The following ZSCAN2 variants were observed in gnomAD, a reference collection of about 807,000 sequenced individuals.
ZSCAN2 encodes the protein zinc finger and SCAN domain-containing protein 2.
In ZSCAN2, 26 loss-of-function variants were observed where a neutral mutation model predicts 47.8. That is an observed-to-expected ratio of 0.54 (90% CI 0.40 to 0.75). The LOEUF (loss-of-function observed/expected upper bound fraction) is 0.75, where lower values mean the gene tolerates loss of function less well. ZSCAN2 is among the 30% of genes least tolerant of loss of function. The pLI, the probability that ZSCAN2 is intolerant of heterozygous loss-of-function variation, is 0.00. For missense variants in ZSCAN2, 732 were observed against 785.4 expected, an observed-to-expected ratio of 0.93 and a Z score of 0.81; for synonymous variants, 305 against 288.7, an observed-to-expected ratio of 1.06 and a Z score of -0.57.
intron 2 of ZSCAN2, among the ~76,000 whole-genome samples, chr15:84,619,847 T>C (rs1190629657): frequency 1.3e-5 from 2 of 152,028 alleles, no homozygotes; most frequent in African/African-American, 2.4e-5. Context: ...ACCCAAATCT[T>C]TAAGGCTTTG....
At chr15:84,604,381 G>A (rs751527661) in intron 2 of ZSCAN2, 48 bp downstream of exon 2, 1 of 1,546,476 alleles carries the variant, frequency 6.5e-7, no homozygotes, top group Non-Finnish European at 8.7e-7. Flanking sequence ...CCCTTCCAAG[G>A]TAGAGGAGTG....
chr15:84,620,823 A>T lies in ZSCAN2; in HGVS notation c.628A>T (p.Ile210Leu). The T allele has an allele frequency of 6.2e-7, 1 of 1,613,950 alleles. No homozygotes were observed. Among genetic ancestry groups the T allele is most frequent in the Non-Finnish European group, 8.5e-7 (1 of 1,179,756 alleles). ...VSQDREVGQL[I>L]GLQGTYLGEK... ...TCAGGACAGGGAAGTTGGCCAGCTC[A>T]TAGGCCTGCAGGGCACCTACCTAGG... The change falls in exon 3 of 3, where the codon ATA (isoleucine) becomes TTA (leucine). Residue 210 changes from isoleucine to leucine, a missense_variant. Coordinates refer to ENST00000546148, the MANE Select transcript of ZSCAN2 (RefSeq NM_181877.4).
chr15:84,611,803 C>G (rs1252484516), intron 2 of ZSCAN2: 1 of 152,126 alleles, frequency 6.6e-6, no homozygotes, highest in African/African-American at 2.4e-5. Flanking sequence ...GCCATCCAGC[C>G]TCTTACTCAT....
At chr15:84,611,267 C>G (rs143645704) in intron 2 of ZSCAN2, among the ~76,000 whole-genome samples, 87 of 151,486 alleles carry the variant, frequency 5.7e-4, no homozygotes, top group Non-Finnish European at 1.1e-3. Flanking sequence ...GGTGACAGAG[C>G]AAGACTCCGT....
chr15:84,617,168 G>C (rs988891057), intron 2 of ZSCAN2, among the ~76,000 whole-genome samples: 1 of 150,970 alleles, frequency 6.6e-6, no homozygotes, highest in Non-Finnish European at 1.5e-5. Context: ...AGGCGCAGTG[G>C]CTCACGCCTC....
chr15:84,606,483 T>A (rs781224402), intron 2 of ZSCAN2: 5 of 1,490,340 alleles, frequency 3.4e-6, no homozygotes, highest in Non-Finnish European at 3.7e-6. Context: ...TAACTGCATT[T>A]TATTCCTTCT....
At chr15:84,606,443 A>C in intron 2 of ZSCAN2, 2 of 1,142,072 alleles carry the variant, frequency 1.8e-6, no homozygotes, top group Non-Finnish European at 2.6e-6. Context: ...CTTGAAGCAA[A>C]GTGCTTGATT....
intron 2 of ZSCAN2, chr15:84,606,243 C>G: frequency 1.1e-5 from 4 of 379,338 alleles, no homozygotes; most frequent in Non-Finnish European, 2.0e-5. Context: ...GGACTGACGC[C>G]GAAGGTCTGC....
intron 2 of ZSCAN2, among the ~76,000 whole-genome samples, chr15:84,609,295 T>G (rs1217438529): frequency 3.3e-5 from 5 of 149,330 alleles, no homozygotes; most frequent in South Asian, 2.1e-4. Flanking sequence ...TCATATATGA[T>G]ATATGAGATA....
intron 2 of ZSCAN2, among the ~76,000 whole-genome samples, chr15:84,607,894 G>T (rs144881814): frequency 1.9e-3 from 293 of 152,240 alleles, no homozygotes; most frequent in African/African-American, 6.8e-3. Flanking sequence ...CACCCGTGGA[G>T]ACCCTCTTCA....
intron 2 of ZSCAN2, among the ~76,000 whole-genome samples, chr15:84,619,972 CATGTGCAGG>C (rs1405669854): frequency 2.9e-5 from 4 of 139,376 alleles, no homozygotes; most frequent in East Asian, 2.3e-4. Flanking sequence ...TTCAGGGGTA[CATGTGCAGG>C]ATGTGCAGGT....
Position 84,601,039 on chromosome 15 carries a change from G to C in ZSCAN2, c.-205G>C, listed in dbSNP as rs899375895. 7 of 152,388 alleles carry C rather than the reference G, an allele frequency of 4.6e-5. No individual in the cohort carries two copies. Among genetic ancestry groups the C allele is most frequent in the Admixed American group, 1.3e-4 (2 of 15,290 alleles). 9.4% of individuals were successfully genotyped at this position (152,388 alleles called of 1,614,324 possible). A position where few individuals can be genotyped will look rare whatever the true frequency, so the allele number is the denominator to read the frequency against. ...CCGTCCATTGTTCTCGGTGCCCCAC[G>C]GGCTTGAGCCGGGGTGAATCTGGAG... is the stretch of plus-strand genomic sequence containing the variant. On this transcript the variant is annotated 5_prime_UTR_variant, in exon 1 of 3. Coordinates refer to ENST00000546148, the MANE Select transcript of ZSCAN2 (RefSeq NM_181877.4).
chr15:84,606,572 G>A, intron 2 of ZSCAN2: 3 of 1,614,080 alleles, frequency 1.9e-6, no homozygotes, highest in Non-Finnish European at 1.7e-6. Context: ...TGACCAGTTT[G>A]TAATGAACTT....
Position 84,622,548 on chromosome 15 carries a change from T to C in ZSCAN2, c.*508T>C, listed in dbSNP as rs1567014143. 1.4e-6 allele frequency: 1 copy of C among 709,204 alleles called. No homozygotes were observed. Among genetic ancestry groups the C allele is most frequent in the African/African-American group, 1.8e-5 (1 of 56,988 alleles). The allele number at this position is 709,204 out of a possible 1,614,324, so 43.9% of individuals were successfully genotyped here. A position where few individuals can be genotyped will look rare whatever the true frequency, so the allele number is the denominator to read the frequency against. On this transcript the variant is annotated 3_prime_UTR_variant, in exon 3 of 3. Transcript: ENST00000546148. ...AGCTGTCAGTTAGAATCTGCTCTTCTGGCTTTGGTGTCTTGGGCTTTGATT... is the reference window on the plus strand; with the variant it reads ...AGCTGTCAGTTAGAATCTGCTCTTCCGGCTTTGGTGTCTTGGGCTTTGATT...
At chr15:84,617,789 T>G (rs957097758) in intron 2 of ZSCAN2, among the ~76,000 whole-genome samples, 2 of 151,762 alleles carry the variant, frequency 1.3e-5, no homozygotes, top group Non-Finnish European at 2.9e-5. Context: ...TACAAAAAAA[T>G]TAGCTGGGTG....
At chr15:84,616,472 G>A in intron 2 of ZSCAN2, 1 of 1,461,800 alleles carries the variant, frequency 6.8e-7, no homozygotes, top group African/African-American at 1.4e-5. Context: ...CCACCCCAGG[G>A]CTCTCCATGC....
intron 2 of ZSCAN2, among the ~76,000 whole-genome samples, chr15:84,605,531 G>A (rs1474624223): frequency 6.6e-6 from 1 of 152,240 alleles, no homozygotes; most frequent in African/African-American, 2.4e-5. Context: ...TGGGTGACAG[G>A]AGAGCTGGCA....
intron 2 of ZSCAN2, among the ~76,000 whole-genome samples, chr15:84,608,807 T>C (rs1895460118): frequency 6.6e-6 from 1 of 152,170 alleles, no homozygotes; most frequent in Non-Finnish European, 1.5e-5. Context: ...GCCATAGAGC[T>C]TTGTTCTTCA....
rs1895815480 is a variant in ZSCAN2 at position 84,621,475 on chromosome 15, T to C, written c.1280T>C (p.Phe427Ser). ...CAGTGCAGCGAGTGTGGGAAAAGCTTCAGCCGCAGCTCTAACCTGGCCACA... is the reference window on the plus strand; with the variant it reads ...CAGTGCAGCGAGTGTGGGAAAAGCTCCAGCCGCAGCTCTAACCTGGCCACA... ...PYQCSECGKS[F>S]SRSSNLATHR... Residue 427 changes from phenylalanine (F) to serine (S), a missense_variant, in exon 3 of 3, where the codon TTC (phenylalanine) becomes TCC (serine). Coordinates refer to ENST00000546148, the MANE Select transcript of ZSCAN2 (RefSeq NM_181877.4). The surrounding 1 kb of genome is among the most constrained non-coding windows in gnomAD (Gnocchi z 5.7). 6.2e-7 allele frequency: 1 copy of C among 1,613,846 alleles called. No homozygotes were observed. Among genetic ancestry groups the C allele is most frequent in the Non-Finnish European group, 8.5e-7 (1 of 1,180,004 alleles).
Sources: gnomAD v4.1 joint callset for allele counts (sites outside exome capture counted in the v4.1 genomes callset) on GRCh38, gnomAD v4.1.1 for gene constraint, Gnocchi (gnomAD v3.1) non-coding constraint, MANE v1.5 for transcripts, NCBI Gene and HGNC (gene_info 2026-07-23, HGNC 2026-07-21) for gene names.